The following NRXN1 variants were observed in gnomAD, a reference collection of about 807,000 sequenced individuals.
NRXN1 encodes the protein neurexin 1.
A neutral mutation model predicts 150.9 loss-of-function variants in NRXN1; 39 were observed. The observed-to-expected ratio is 0.26, with a 90% CI of 0.20 to 0.34. The LOEUF (loss-of-function observed/expected upper bound fraction) is 0.34, where lower values mean the gene tolerates loss of function less well. Ranked by LOEUF, NRXN1 falls within the 10% of genes least tolerant of loss-of-function variation. NRXN1 has a pLI of 1.00. For synonymous variants in NRXN1, 924 were observed against 757.0 expected, an observed-to-expected ratio of 1.22 and a Z score of -3.62; for missense variants, 1,815 against 1,949.9, an observed-to-expected ratio of 0.93 and a Z score of 1.30.
chr2:50,469,054 A>G (rs937607865), intron 16 of NRXN1, among the ~76,000 whole-genome samples: 1 of 151,608 alleles, frequency 6.6e-6, no homozygotes, highest in South Asian at 2.1e-4. Flanking sequence ...TCTGCTACAT[A>G]AACAGAAAAA....
At chr2:49,950,715 C>CTGGAATGCA (rs1673785414) in intron 21 of NRXN1, among the ~76,000 whole-genome samples, 6 of 151,904 alleles carry the variant, frequency 3.9e-5, no homozygotes, top group Admixed American at 3.9e-4. Context: ...GCATCCTTAT[C>CTGGAATGCA]TGGAATGCAG....
At chr2:50,768,951 C>G (rs1702682344) in intron 5 of NRXN1, among the ~76,000 whole-genome samples, 1 of 150,230 alleles carries the variant, frequency 6.7e-6, no homozygotes, top group South Asian at 2.1e-4. Flanking sequence ...CACACACACT[C>G]TGAACTTGAA....
chr2:50,389,045 G>A (rs2081512890), intron 17 of NRXN1, among the ~76,000 whole-genome samples: 1 of 151,998 alleles, frequency 6.6e-6, no homozygotes, highest in Non-Finnish European at 1.5e-5. Context: ...GTGTGCACCT[G>A]TAGTCCCAGC....
At chr2:50,685,755 C>T (rs1691135740) in intron 5 of NRXN1, among the ~76,000 whole-genome samples, 1 of 152,012 alleles carries the variant, frequency 6.6e-6, no homozygotes, top group African/African-American at 2.4e-5. Flanking sequence ...TAACTTGTAC[C>T]ATGTTCTTAT....
chr2:50,560,847 A>C (rs1434408309), intron 8 of NRXN1, among the ~76,000 whole-genome samples: 1 of 152,180 alleles, frequency 6.6e-6, no homozygotes, highest in East Asian at 1.9e-4. Context: ...CCATGTACAG[A>C]TAATATTTTC....
At chr2:50,449,177 C>G (rs1399976435) in intron 17 of NRXN1, among the ~76,000 whole-genome samples, 1 of 152,190 alleles carries the variant, frequency 6.6e-6, no homozygotes, top group African/African-American at 2.4e-5. Context: ...CAGGAATTGT[C>G]TTCACTTGTA....
chr2:50,051,407 C>A (rs1001513606), intron 21 of NRXN1, among the ~76,000 whole-genome samples: 2 of 151,938 alleles, frequency 1.3e-5, no homozygotes, highest in African/African-American at 4.8e-5. Flanking sequence ...CTGATTATTT[C>A]AAATTATATT....
intron 18 of NRXN1, among the ~76,000 whole-genome samples, chr2:50,152,454 A>G (rs2058751619): frequency 6.6e-6 from 1 of 151,754 alleles, no homozygotes; most frequent in Non-Finnish European, 1.5e-5. Context: ...AATATGTTCC[A>G]AGGCCCCCAG....
intron 5 of NRXN1, among the ~76,000 whole-genome samples, chr2:50,689,150 T>C (rs761451110): frequency 2.6e-5 from 4 of 152,140 alleles, no homozygotes; most frequent in Middle Eastern, 3.2e-3. Flanking sequence ...ATTTAATATA[T>C]GTAAGTTTGT....
intron 2 of NRXN1, among the ~76,000 whole-genome samples, chr2:50,928,818 G>C (rs981452144): frequency 1.3e-5 from 2 of 151,966 alleles, no homozygotes; most frequent in Non-Finnish European, 2.9e-5. Flanking sequence ...GAAAACCCTG[G>C]CTTCTTAATT....
At chr2:50,004,557 A>C (rs1256394036) in intron 21 of NRXN1, among the ~76,000 whole-genome samples, 1 of 152,156 alleles carries the variant, frequency 6.6e-6, no homozygotes, top group Non-Finnish European at 1.5e-5. Flanking sequence ...CTGGGGTTTT[A>C]ATATTAAAAC....
At chr2:50,139,941 C>G (rs1707027870) in intron 18 of NRXN1, among the ~76,000 whole-genome samples, 1 of 151,870 alleles carries the variant, frequency 6.6e-6, no homozygotes, top group Non-Finnish European at 1.5e-5. Context: ...TTAATCAAAG[C>G]AAAAATTAGT....
At chr2:50,545,364 T>C (rs1197055247) in intron 9 of NRXN1, among the ~76,000 whole-genome samples, 2 of 152,194 alleles carry the variant, frequency 1.3e-5, no homozygotes, top group African/African-American at 4.8e-5. Context: ...TGAAATATTA[T>C]TTTGCAGAAG....
intron 17 of NRXN1, among the ~76,000 whole-genome samples, chr2:50,461,870 T>C (rs2088260485): frequency 6.6e-6 from 1 of 151,830 alleles, no homozygotes; most frequent in Non-Finnish European, 1.5e-5. Flanking sequence ...GCATTCCAGG[T>C]GGAATGAATG....
chr2:50,524,488 TAAATAA>T (rs1053203612), intron 12 of NRXN1, among the ~76,000 whole-genome samples: 1 of 131,090 alleles, frequency 7.6e-6, no homozygotes, highest in African/African-American at 2.9e-5. Flanking sequence ...CATAAATAAA[TAAATAA>T]ATAAATAAAT....
chr2:50,171,236 AGTGT>A (rs10666950), intron 18 of NRXN1, among the ~76,000 whole-genome samples: 1 of 148,960 alleles, frequency 6.7e-6, no homozygotes, highest in South Asian at 2.1e-4. Flanking sequence ...TCAAGACTCA[AGTGT>A]GTGTGTGTGT....
At chr2:50,070,787 A>C (rs1268160899) in intron 19 of NRXN1, among the ~76,000 whole-genome samples, 1 of 151,628 alleles carries the variant, frequency 6.6e-6, no homozygotes, top group Non-Finnish European at 1.5e-5. Context: ...AAAAAAAAAA[A>C]AACCTGTAAT....
chr2:50,966,308 G>A (rs964804897), intron 2 of NRXN1, among the ~76,000 whole-genome samples: 5 of 150,080 alleles, frequency 3.3e-5, no homozygotes, highest in African/African-American at 4.9e-5. Context: ...AAATCATGGC[G>A]CCACATCAGC....
intron 8 of NRXN1, among the ~76,000 whole-genome samples, chr2:50,560,435 T>TA (rs1250820988): frequency 6.7e-6 from 1 of 149,114 alleles, no homozygotes; most frequent in Non-Finnish European, 1.5e-5. Context: ...TTTATTTATT[T>TA]ATTTATTTAT....
Sources: allele counts gnomAD v4.1 joint callset (sites outside exome capture counted in the v4.1 genomes callset), GRCh38; gene constraint gnomAD v4.1.1; transcripts MANE v1.5; gene names NCBI Gene and HGNC (gene_info 2026-07-23, HGNC 2026-07-21).